The following HDAC9 variants were observed in gnomAD, a reference collection of about 807,000 sequenced individuals.
The protein encoded by HDAC9 is histone deacetylase 9.
HDAC9 carries 41 observed loss-of-function variants against 139.4 expected under a neutral mutation model. That is an observed-to-expected ratio of 0.29 (90% CI 0.23 to 0.38). The LOEUF (loss-of-function observed/expected upper bound fraction) is 0.38. HDAC9 is among the 10% of genes least tolerant of loss of function. The pLI is 1.00. For missense variants in HDAC9, 1,147 were observed against 1,297.0 expected (o/e 0.88, Z 1.78); for synonymous variants, 517 against 476.2 (o/e 1.09, Z -1.12).
intron 2 of HDAC9, among the ~76,000 whole-genome samples, chr7:18,248,267 G>T (rs1794687382): frequency 6.6e-6 from 1 of 152,178 alleles, no homozygotes; most frequent in Non-Finnish European, 1.5e-5. Flanking sequence ...GGGTTCTAAA[G>T]TTGTTGCAGT....
At chr7:18,893,688 G>A (rs1800904459) in intron 22 of HDAC9, among the ~76,000 whole-genome samples, 1 of 152,158 alleles carries the variant, frequency 6.6e-6, no homozygotes, top group Non-Finnish European at 1.5e-5. Context: ...TAAAGCCTAA[G>A]CAAAATAAGT....
intron 25 of HDAC9, among the ~76,000 whole-genome samples, chr7:18,990,910 T>G (rs1170483647): frequency 2.0e-5 from 3 of 152,232 alleles, no homozygotes; most frequent in Non-Finnish European, 4.4e-5. Context: ...GGCTCGCGCA[T>G]GGAGCGCGCA....
rs181266043 is a variant in HDAC9, at chr7:18,122,316, C to T, written c.-97+35103C>T. Among the ~76,000 whole-genome samples, 25 of 152,102 alleles carry T rather than the reference C, an allele frequency of 1.6e-4. 1 individual carries two copies. Among genetic ancestry groups the T allele is most frequent in the African/African-American group, 4.6e-4 (19 of 41,482 alleles). On this transcript the variant is annotated intron_variant, in intron 1 of 12. Transcript: ENST00000417496. Reference sequence around the variant, plus strand: ...TTATATGAGGGCAGTATTCTTGTAGCGGGAGAAGAAGATGTAAAGTAATGG... The same window carrying T: ...TTATATGAGGGCAGTATTCTTGTAGTGGGAGAAGAAGATGTAAAGTAATGG...
intron 24 of HDAC9, among the ~76,000 whole-genome samples, chr7:18,955,501 A>G (rs1361439254): frequency 1.3e-5 from 2 of 152,270 alleles, no homozygotes; most frequent in South Asian, 2.1e-4. Flanking sequence ...TTTAGCCATT[A>G]TATACACAGA....
intron 2 of HDAC9, among the ~76,000 whole-genome samples, chr7:18,260,764 A>T (rs1426819954): frequency 6.6e-6 from 1 of 152,214 alleles, no homozygotes; most frequent in Non-Finnish European, 1.5e-5. Context: ...TAACTAGGAG[A>T]TAATGAATGT....
intron 4 of HDAC9, among the ~76,000 whole-genome samples, chr7:18,590,859 G>T (rs201663481): frequency 0.16 from 24,605 of 152,042 alleles, 2,490 homozygotes; most frequent in Non-Finnish European, 0.22. Context: ...TGCTCTCTAA[G>T]TAAAGCCTTG....
rs145011744 is a variant in HDAC9, at chr7:18,232,469, T to A, written c.25+70120T>A. The stretch of plus-strand genomic sequence containing the variant: ...CTGTCTTTTCTGTAAAACCTTTACC[T>A]GTCCCCCTAGTTGGACCTAATCACT... On this transcript the variant is annotated intron_variant, in intron 2 of 12. Coordinates refer to the HDAC9 transcript ENST00000417496. 1.8e-3 allele frequency among the ~76,000 whole-genome samples: 275 copies of A among 152,306 alleles called. 3 individuals carry two copies. The highest frequency in any genetic ancestry group is 5.5e-3 in the African/African-American group (229 of 41,570).
At chr7:18,972,239 A>G (rs932087701) in intron 24 of HDAC9, among the ~76,000 whole-genome samples, 1 of 152,206 alleles carries the variant, frequency 6.6e-6, no homozygotes, top group Non-Finnish European at 1.5e-5. Context: ...CTTTCATAGC[A>G]TTAAGCCTAC....
chr7:18,411,344 T>C (rs1788528235), intron 1 of HDAC9, among the ~76,000 whole-genome samples: 1 of 152,200 alleles, frequency 6.6e-6, no homozygotes, highest in African/African-American at 2.4e-5. Context: ...TCATTTTTAG[T>C]ACAGTATTCA....
intron 21 of HDAC9, among the ~76,000 whole-genome samples, chr7:18,868,824 C>G (rs1798689022): frequency 6.6e-6 from 1 of 152,066 alleles, no homozygotes; most frequent in Non-Finnish European, 1.5e-5. Context: ...TTAAGACCCT[C>G]TCTGGAATGA....
At chr7:18,993,955 A>G (rs1786235386) in intron 25 of HDAC9, among the ~76,000 whole-genome samples, 1 of 152,218 alleles carries the variant, frequency 6.6e-6, no homozygotes, top group Non-Finnish European at 1.5e-5. Context: ...AAAGGCAGAG[A>G]AGCATCTGAT....
upstream of HDAC9, among the ~76,000 whole-genome samples, chr7:18,492,505 T>C (rs1040856536): frequency 2.6e-5 from 4 of 152,008 alleles, no homozygotes; most frequent in Admixed American, 2.6e-4. Flanking sequence ...CCTGAGATTT[T>C]TTTGGCCCTT....
intron 2 of HDAC9, among the ~76,000 whole-genome samples, chr7:18,283,618 C>T (rs897265965): frequency 6.6e-6 from 1 of 152,122 alleles, no homozygotes; most frequent in African/African-American, 2.4e-5. Context: ...CTTAATTCTT[C>T]ATTTGAAATT....
At chr7:18,185,576 T>C (rs576180910) in intron 2 of HDAC9, among the ~76,000 whole-genome samples, 75 of 152,354 alleles carry the variant, frequency 4.9e-4, no homozygotes, top group African/African-American at 1.7e-3. Flanking sequence ...TTAAATATTG[T>C]TACAAGCATA....
At chr7:18,983,624 G>C (rs1453868601) in intron 25 of HDAC9, among the ~76,000 whole-genome samples, 1 of 152,116 alleles carries the variant, frequency 6.6e-6, no homozygotes, top group Non-Finnish European at 1.5e-5. Context: ...GAATTGCTGG[G>C]TTGTAGGGAA....
chr7:18,133,929 C>T (rs1008553762), intron 1 of HDAC9, among the ~76,000 whole-genome samples: 11 of 131,610 alleles, frequency 8.4e-5, no homozygotes, highest in East Asian at 8.2e-4. Flanking sequence ...AATATACACG[C>T]GTGCACACAC....
chr7:18,288,715 A>G (rs1468787818), upstream of HDAC9, among the ~76,000 whole-genome samples: 1 of 152,230 alleles, frequency 6.6e-6, no homozygotes, highest in Non-Finnish European at 1.5e-5. Flanking sequence ...GTGCTTGAGC[A>G]GCTTAATGCT....
chr7:18,487,101 G>C (rs974509699), intron 1 of HDAC9, among the ~76,000 whole-genome samples: 5 of 151,934 alleles, frequency 3.3e-5, no homozygotes, highest in African/African-American at 9.7e-5. Flanking sequence ...TTTTATATTG[G>C]ATATAAGGAA....
intron 12 of HDAC9, among the ~76,000 whole-genome samples, chr7:18,692,987 A>AT (rs1782779109): frequency 6.6e-6 from 1 of 152,060 alleles, no homozygotes; most frequent in Non-Finnish European, 1.5e-5. Context: ...AGACTAAGCT[A>AT]TTTTTTGGCT....
Sources: gnomAD v4.1 joint callset for allele counts (sites outside exome capture counted in the v4.1 genomes callset) on GRCh38, gnomAD v4.1.1 for gene constraint, MANE v1.5 for transcripts, NCBI Gene and HGNC (gene_info 2026-07-23, HGNC 2026-07-21) for gene names.